The following MED27 variants were observed in gnomAD, a reference collection of about 807,000 sequenced individuals.
The protein encoded by MED27 is mediator complex subunit 27.
In MED27, 30 loss-of-function variants were observed where a neutral mutation model predicts 38.2. That is an observed-to-expected ratio of 0.79 (90% confidence interval 0.59 to 1.07). The LOEUF (loss-of-function observed/expected upper bound fraction) is 1.07. Among genes scored for constraint, MED27 ranks in the 50% least tolerant of loss-of-function variants. MED27 has a pLI of 0.00. For synonymous variants in MED27, 122 were observed against 153.5 expected, an observed-to-expected ratio of 0.79 and a Z score of 1.52; for missense variants, 289 against 397.5, an observed-to-expected ratio of 0.73 and a Z score of 2.32.
At chr9:132,017,419 T>C (rs2131081025) in intron 2 of MED27, among the ~76,000 whole-genome samples, 1 of 152,358 alleles carries the variant, frequency 6.6e-6, no homozygotes, top group Admixed American at 6.5e-5. Flanking sequence ...TATATTTCAA[T>C]AAACATACTT....
chr9:131,977,143 G>A (rs114852884), intron 3 of MED27, among the ~76,000 whole-genome samples: 524 of 152,266 alleles, frequency 3.4e-3, no homozygotes, highest in African/African-American at 0.011. Flanking sequence ...TCCTGGAACC[G>A]TATTCAAAAG....
chr9:132,040,055 G>T (rs1053309784), intron 2 of MED27, among the ~76,000 whole-genome samples: 1 of 152,106 alleles, frequency 6.6e-6, no homozygotes, highest in Non-Finnish European at 1.5e-5. Flanking sequence ...TACACTTTAC[G>T]ATATGATAAA....
chr9:132,037,006 G>A (rs965579822), intron 2 of MED27, among the ~76,000 whole-genome samples: 2 of 152,150 alleles, frequency 1.3e-5, no homozygotes, highest in African/African-American at 4.8e-5. Flanking sequence ...AAGACAGACA[G>A]CCCAAAGAGC....
chr9:131,875,240 C>T (rs1819206944), intron 6 of MED27, among the ~76,000 whole-genome samples: 1 of 152,006 alleles, frequency 6.6e-6, no homozygotes, highest in African/African-American at 2.4e-5. Flanking sequence ...GGCACTGCTG[C>T]GCGGCTGTAA....
chr9:131,876,632 C>T (rs560684114), intron 6 of MED27, among the ~76,000 whole-genome samples: 28 of 152,186 alleles, frequency 1.8e-4, no homozygotes, highest in African/African-American at 5.8e-4. Context: ...CCCAGAGCCC[C>T]GCGCCGATGC....
chr9:131,958,442 T>C (rs989855022), intron 3 of MED27, among the ~76,000 whole-genome samples: 4 of 152,086 alleles, frequency 2.6e-5, no homozygotes, highest in African/African-American at 9.7e-5. Context: ...GAGACAAGGT[T>C]TCACTATGTT....
intron 4 of MED27, among the ~76,000 whole-genome samples, chr9:131,910,085 G>A (rs956615694): frequency 4.6e-5 from 7 of 152,168 alleles, no homozygotes; most frequent in East Asian, 1.9e-4. Flanking sequence ...TGATCACCAC[G>A]ATATAAGGGG....
In MED27 at chr9:132,031,237, T is replaced by A. The variant is rs1456681684; in HGVS notation, c.349-16770A>T. ...TTAGGGACAGCTGAAAACAGGTGGA[T>A]AAATCTGCACACTAAATGGTGAGCT... is the stretch of plus-strand genomic sequence containing the variant. On this transcript the variant is annotated intron_variant, in intron 2 of 7. Transcript: ENST00000292035. 8.5e-5 allele frequency among the ~76,000 whole-genome samples: 13 copies of A among 152,214 alleles called. No homozygotes were observed. The East Asian group carries it at 2.5e-3, about 29-fold the overall frequency.
At chr9:131,962,366 A>G (rs1043411992) in intron 3 of MED27, among the ~76,000 whole-genome samples, 1 of 152,168 alleles carries the variant, frequency 6.6e-6, no homozygotes, top group African/African-American at 2.4e-5. Flanking sequence ...CCTCCTGAGT[A>G]GCTGGCATTA....
At chr9:131,954,665 T>C (rs952676706) in intron 3 of MED27, among the ~76,000 whole-genome samples, 7 of 152,154 alleles carry the variant, frequency 4.6e-5, no homozygotes, top group African/African-American at 1.7e-4. Flanking sequence ...TCATCAATGC[T>C]ACCACTGACC....
chr9:132,008,955 T>A (rs570903975), intron 3 of MED27, among the ~76,000 whole-genome samples: 2 of 152,140 alleles, frequency 1.3e-5, no homozygotes, highest in African/African-American at 4.8e-5. Context: ...AAGGCCCCCA[T>A]CCTTCACAGC....
intron 2 of MED27, among the ~76,000 whole-genome samples, chr9:132,066,903 G>A (rs994413806): frequency 2.6e-5 from 4 of 152,288 alleles, no homozygotes; most frequent in African/African-American, 9.6e-5. Context: ...CCAAAGAACT[G>A]GAGAAGAAGC....
At chr9:132,000,569 C>T (rs1352871971) in intron 3 of MED27, among the ~76,000 whole-genome samples, 1 of 152,078 alleles carries the variant, frequency 6.6e-6, no homozygotes, top group Non-Finnish European at 1.5e-5. Flanking sequence ...TTCATACTGG[C>T]TTTATTAATA....
intron 3 of MED27, among the ~76,000 whole-genome samples, chr9:131,974,093 C>G (rs1831551515): frequency 6.6e-6 from 1 of 152,204 alleles, no homozygotes; most frequent in Non-Finnish European, 1.5e-5. Flanking sequence ...AGTATGTCAT[C>G]ATGTAACTGG....
In MED27 at chr9:131,982,826, T is replaced by C. The variant is rs922495409; in HGVS notation, c.479+31511A>G. Among the ~76,000 whole-genome samples, 2 of 152,198 alleles carry C rather than the reference T, an allele frequency of 1.3e-5. No homozygotes were observed. The highest frequency in any genetic ancestry group is 4.8e-5 in the African/African-American group (2 of 41,440). ...GTAGTACAAAAGCAGCCATATGTAA[T>C]ATGGAAATGAATGCGCATGGCTGTG... On this transcript the variant is annotated intron_variant, in intron 3 of 7. Coordinates refer to ENST00000292035, the MANE Select transcript of MED27 (RefSeq NM_004269.4). The surrounding 1 kb of genome is among the most constrained non-coding windows in gnomAD (Gnocchi z 4.3).
In MED27 at chr9:132,003,830, C is replaced by T. The variant is rs1478663469; in HGVS notation, c.479+10507G>A. ...CATTTCACCCAAGGTTTAAGGGTAC[C>T]TCAAACTTGACATGCTTCAAATGAA... is the stretch of plus-strand genomic sequence containing the variant. On this transcript the variant is annotated intron_variant, in intron 3 of 7. Coordinates refer to ENST00000292035, the MANE Select transcript of MED27 (RefSeq NM_004269.4). The surrounding 1 kb of genome is among the most constrained non-coding windows in gnomAD (Gnocchi z 4.2). Among the ~76,000 whole-genome samples, 1 of 152,102 alleles carries T rather than the reference C, an allele frequency of 6.6e-6. No individual in the cohort carries two copies. The highest frequency in any genetic ancestry group is 1.5e-5 in the Non-Finnish European group (1 of 68,014).
In MED27 at chr9:132,079,832, T is replaced by G. The variant is rs373202251; in HGVS notation, c.13A>C (p.Ile5Leu). The part of the protein sequence containing the change: MADV[I>L]NVSVNLEAFS... Reference sequence around the variant, plus strand: ...GCCTCCAGGTTCACACTGACATTTATCACGTCCGCCATGTTGCCGCCGCCA... The same window carrying G: ...GCCTCCAGGTTCACACTGACATTTAGCACGTCCGCCATGTTGCCGCCGCCA... Residue 5 changes from isoleucine to leucine, a missense_variant, in exon 1 of 8, where the codon ATA (isoleucine) becomes CTA (leucine). By Grantham distance (5) the Ile-to-Leu change is conservative (BLOSUM62 2). Transcript: ENST00000292035. 2 of 1,593,768 alleles carry G rather than the reference T, an allele frequency of 1.3e-6. No individual in the cohort carries two copies. The highest frequency in any genetic ancestry group is 1.3e-5 in the African/African-American group (1 of 74,652).
At chr9:132,012,204 C>G (rs56075716) in intron 3 of MED27, among the ~76,000 whole-genome samples, 85 of 152,294 alleles carry the variant, frequency 5.6e-4, no homozygotes, top group African/African-American at 2.0e-3. Flanking sequence ...AGTAGACAAT[C>G]CATGCAGGGA....
At chr9:131,930,094 C>T (rs998517181) in intron 4 of MED27, among the ~76,000 whole-genome samples, 6 of 152,096 alleles carry the variant, frequency 3.9e-5, no homozygotes, top group African/African-American at 1.4e-4. Flanking sequence ...AAGTCTCTGC[C>T]TGGTAATCCA....
Sources: allele counts gnomAD v4.1 joint callset (sites outside exome capture counted in the v4.1 genomes callset), GRCh38; gene constraint gnomAD v4.1.1; non-coding constraint Gnocchi (gnomAD v3.1); transcripts MANE v1.5; gene names NCBI Gene and HGNC (gene_info 2026-07-23, HGNC 2026-07-21).